The following ADAMTSL1 variants were observed in gnomAD, a reference collection of about 807,000 sequenced individuals.
The protein encoded by ADAMTSL1 is ADAMTS like 1.
In ADAMTSL1, 126 loss-of-function variants were observed where a neutral mutation model predicts 201.8. That is an observed-to-expected ratio of 0.62 (90% CI 0.54 to 0.72). The LOEUF (loss-of-function observed/expected upper bound fraction) is 0.72, where lower values mean the gene tolerates loss of function less well. Among genes scored for constraint, ADAMTSL1 ranks in the 30% least tolerant of loss-of-function variants. The pLI is 0.00. For synonymous variants in ADAMTSL1, 1,121 were observed against 903.4 expected (o/e 1.24, Z -4.32); for missense variants, 2,679 against 2,277.8 (o/e 1.18, Z -3.59).
chr9:18,792,767 A>G (rs781219829), intron 19 of ADAMTSL1, among the ~76,000 whole-genome samples: 4 of 152,234 alleles, frequency 2.6e-5, no homozygotes, highest in African/African-American at 4.8e-5. Flanking sequence ...ATGATATTAC[A>G]TTATGTTGCA....
chr9:18,087,286 A>G (rs897187653), intron 1 of ADAMTSL1, among the ~76,000 whole-genome samples: 9 of 152,172 alleles, frequency 5.9e-5, no homozygotes, highest in African/African-American at 2.2e-4. Context: ...TTTAAGCAAA[A>G]TATATTTAAC....
At chr9:18,658,566 C>T (rs1044213702) in intron 8 of ADAMTSL1, among the ~76,000 whole-genome samples, 2 of 152,094 alleles carry the variant, frequency 1.3e-5, no homozygotes, top group Non-Finnish European at 2.9e-5. Context: ...AAATGCCATT[C>T]GTTTTATTCA....
intron 1 of ADAMTSL1, among the ~76,000 whole-genome samples, chr9:18,141,608 A>T (rs1308518842): frequency 6.6e-6 from 1 of 152,196 alleles, no homozygotes; most frequent in African/African-American, 2.4e-5. Context: ...TCTTCCAAGT[A>T]GCCTTCCATC....
intron 2 of ADAMTSL1, among the ~76,000 whole-genome samples, chr9:18,308,556 A>G (rs1357039212): frequency 2.0e-5 from 3 of 152,168 alleles, no homozygotes; most frequent in African/African-American, 7.2e-5. Context: ...AATACTACAA[A>G]CACCTCTATG....
chr9:18,150,664 A>G (rs548212570), intron 1 of ADAMTSL1, among the ~76,000 whole-genome samples: 13 of 152,122 alleles, frequency 8.5e-5, no homozygotes, highest in African/African-American at 2.9e-4. Flanking sequence ...AGATGAGCAT[A>G]GAGAAAAGAA....
At chr9:18,270,702 A>G (rs1215238383) in intron 2 of ADAMTSL1, among the ~76,000 whole-genome samples, 8 of 152,224 alleles carry the variant, frequency 5.3e-5, no homozygotes, top group Admixed American at 5.2e-4. Context: ...GGAAGCTAAC[A>G]GACCATCACA....
At chr9:18,652,363 C>G (rs942698367) in intron 7 of ADAMTSL1, among the ~76,000 whole-genome samples, 2 of 57,512 alleles carry the variant, frequency 3.5e-5, no homozygotes, top group African/African-American at 1.8e-4. Flanking sequence ...AAAACTCCAT[C>G]TCAAAAAAAA....
intron 2 of ADAMTSL1, among the ~76,000 whole-genome samples, chr9:18,303,355 C>G (rs1324684408): frequency 6.6e-6 from 1 of 152,206 alleles, no homozygotes; most frequent in Non-Finnish European, 1.5e-5. Context: ...GTCAGGTCTT[C>G]CAGCCTCAGC....
In ADAMTSL1 at chr9:18,811,672, T is replaced by C. The variant is rs557913251; in HGVS notation, c.3806-5437T>C. Among the ~76,000 whole-genome samples the C allele has an allele frequency of 8.5e-5, 13 of 152,300 alleles. No homozygotes were observed. In the South Asian group the frequency reaches 1.0e-3, roughly 12 times the overall value. ...CCAGAGTCTCATAACTAAAAAAATA[T>C]ACAGGCTTCAATTGAAACCTAGACA... On this transcript the variant is annotated intron_variant, in intron 20 of 28. Transcript: ENST00000380548.
intron 2 of ADAMTSL1, among the ~76,000 whole-genome samples, chr9:18,261,521 C>G (rs151218028): frequency 5.3e-5 from 8 of 152,294 alleles, no homozygotes; most frequent in African/African-American, 1.9e-4. Flanking sequence ...ACACATTGCT[C>G]TGTCTCTATT....
intron 1 of ADAMTSL1, among the ~76,000 whole-genome samples, chr9:18,118,228 G>A (rs768543251): frequency 1.3e-5 from 2 of 152,190 alleles, no homozygotes; most frequent in Non-Finnish European, 2.9e-5. Context: ...CAACAATTCT[G>A]GTTCACTCAG....
intron 2 of ADAMTSL1, among the ~76,000 whole-genome samples, chr9:18,451,654 A>T (rs1311271335): frequency 6.6e-6 from 1 of 152,234 alleles, no homozygotes; most frequent in Non-Finnish European, 1.5e-5. Flanking sequence ...AATTTACTCT[A>T]TCTGAACTCG....
intron 2 of ADAMTSL1, among the ~76,000 whole-genome samples, chr9:18,427,370 G>C (rs985867363): frequency 1.3e-5 from 2 of 152,198 alleles, no homozygotes; most frequent in Non-Finnish European, 2.9e-5. Flanking sequence ...TTGAATGAAA[G>C]CCACTTGATG....
chr9:18,267,782 A>AAAAAAAAAAAAAAAAAAC (rs1563846246), intron 2 of ADAMTSL1, among the ~76,000 whole-genome samples: 1 of 148,882 alleles, frequency 6.7e-6, no homozygotes, highest in Admixed American at 7.3e-5. Context: ...AAACAAAAAC[A>AAAAAAAAAAAAAAAAAAC]AAAACAAAAA....
At chr9:18,597,110 G>T (rs1168329714) in intron 4 of ADAMTSL1, among the ~76,000 whole-genome samples, 1 of 152,132 alleles carries the variant, frequency 6.6e-6, no homozygotes, top group African/African-American at 2.4e-5. Flanking sequence ...CCACAGCATG[G>T]ATGGAGCAAC....
intron 2 of ADAMTSL1, among the ~76,000 whole-genome samples, chr9:18,317,848 C>A (rs966338763): frequency 1.3e-5 from 2 of 152,188 alleles, no homozygotes; most frequent in Non-Finnish European, 2.9e-5. Flanking sequence ...TGAGGGCAAA[C>A]ACCAGAGCTG....
intron 2 of ADAMTSL1, among the ~76,000 whole-genome samples, chr9:18,166,909 C>T (rs1827657576): frequency 6.6e-6 from 1 of 151,906 alleles, no homozygotes; most frequent in Non-Finnish European, 1.5e-5. Flanking sequence ...CCCTTCTCAA[C>T]GAGGACCTAT....
chr9:18,506,734 T>C (rs1041006762), intron 2 of ADAMTSL1, among the ~76,000 whole-genome samples: 1 of 152,154 alleles, frequency 6.6e-6, no homozygotes, highest in African/African-American at 2.4e-5. Context: ...TATAAACATA[T>C]AGAAGATATG....
intron 2 of ADAMTSL1, among the ~76,000 whole-genome samples, chr9:18,378,553 C>A (rs551825230): frequency 6.6e-6 from 1 of 152,298 alleles, no homozygotes; most frequent in Non-Finnish European, 1.5e-5. Flanking sequence ...TTCCATGATG[C>A]TGAAGTAGAT....
Sources: allele counts gnomAD v4.1 joint callset (sites outside exome capture counted in the v4.1 genomes callset), GRCh38; gene constraint gnomAD v4.1.1; transcripts MANE v1.5; gene names NCBI Gene and HGNC (gene_info 2026-07-23, HGNC 2026-07-21).